Variants in ABCC11 observed in about 807,000 individuals in gnomAD.
ABCC11 encodes ATP binding cassette subfamily C member 11, also known as ATP-binding cassette sub-family C member 11.
ABCC11 carries 135 observed loss-of-function variants against 149.3 expected under a neutral mutation model. The ratio of observed to expected loss-of-function variants is 0.90; its 90% CI spans 0.79 to 1.04. The LOEUF is 1.04. Ranked by LOEUF, ABCC11 falls within the 50% of genes least tolerant of loss-of-function variation. ABCC11 has a pLI of 0.00. For missense variants in ABCC11, 1,680 were observed against 1,722.1 expected, an observed-to-expected ratio of 0.98 and a Z score of 0.43; for synonymous variants, 665 against 671.4, an observed-to-expected ratio of 0.99 and a Z score of 0.15.
chr16:48,239,419 A>T (rs551484880), intron 1 of ABCC11, among the ~76,000 whole-genome samples: 2 of 151,998 alleles, frequency 1.3e-5, no homozygotes, highest in South Asian at 2.1e-4. Flanking sequence ...AAAATTAGCC[A>T]GGTGTGGTGG....
intron 1 of ABCC11, among the ~76,000 whole-genome samples, chr16:48,232,824 A>ACATTTT (rs373859069): frequency 6.6e-6 from 1 of 152,212 alleles, no homozygotes; most frequent in Non-Finnish European, 1.5e-5. Context: ...AAGAAGACCC[A>ACATTTT]CATTTTCATT....
intron 28 of ABCC11, among the ~76,000 whole-genome samples, chr16:48,168,094 C>T (rs1596643745): frequency 6.6e-6 from 1 of 152,106 alleles, no homozygotes; most frequent in Non-Finnish European, 1.5e-5. Flanking sequence ...ATTTCATTAA[C>T]GATATGCATG....
chr16:48,214,814 TA>T, intron 9 of ABCC11, 66 bp downstream of exon 9: 1 of 1,596,818 alleles, frequency 6.3e-7, no homozygotes, highest in Non-Finnish European at 8.6e-7. Context: ...GGGGCATGGC[TA>T]AAAAAGGACA....
At chr16:48,224,229 G>A (rs1047075368) in intron 5 of ABCC11, 53 bp downstream of exon 5, 10 of 1,579,106 alleles carry the variant, frequency 6.3e-6, no homozygotes, top group South Asian at 4.6e-5. Flanking sequence ...CAGTTCCATC[G>A]CTAAACCTCT....
At chr16:48,202,664 GTTA>G (rs980578617) in intron 14 of ABCC11, among the ~76,000 whole-genome samples, 2 of 151,918 alleles carry the variant, frequency 1.3e-5, no homozygotes, top group Non-Finnish European at 2.9e-5. Flanking sequence ...CCCTCCTGAG[GTTA>G]TTGAGATTAT....
At chr16:48,226,860 T>G (rs1970105867) in intron 4 of ABCC11, among the ~76,000 whole-genome samples, 1 of 152,206 alleles carries the variant, frequency 6.6e-6, no homozygotes, top group Non-Finnish European at 1.5e-5. Flanking sequence ...GACTACTGAA[T>G]GCTCTTTATG....
rs767597691 is a variant in ABCC11 at position 48,178,659 on chromosome 16, G to A, written c.3286C>T (p.Arg1096Trp). 36 of 1,614,002 alleles carry A rather than the reference G, an allele frequency of 2.2e-5. No individual in the cohort carries two copies. The highest frequency in any genetic ancestry group is 2.6e-5 in the Non-Finnish European group (31 of 1,180,018). Residue 1096 changes from arginine to tryptophan, a missense_variant, in exon 24 of 30, where the codon CGG becomes TGG. Coordinates refer to ENST00000356608, the MANE Select transcript of ABCC11 (RefSeq NM_001370497.1). Reference protein sequence around the residue: ...QLASSFQATARIGLETEAQFT... With the variant: ...QLASSFQATAWIGLETEAQFT... ...TGTGCCTCTGTCTCCAAGCCAATCC[G>A]GGCAGTGGCCTGGAAGCTGGACGCC... is the stretch of plus-strand genomic sequence containing the variant.
intron 26 of ABCC11, among the ~76,000 whole-genome samples, chr16:48,174,872 T>G (rs1207488391): frequency 6.6e-6 from 1 of 152,174 alleles, no homozygotes; most frequent in East Asian, 1.9e-4. Context: ...GTTGCCCAGG[T>G]TGGAGCACAG....
intron 9 of ABCC11, among the ~76,000 whole-genome samples, chr16:48,214,574 T>C (rs1039602601): frequency 6.6e-6 from 1 of 152,136 alleles, no homozygotes; most frequent in Non-Finnish European, 1.5e-5. Context: ...GGCCCTTATT[T>C]AGGGATTAGA....
At chr16:48,171,157 G>A (rs986304838) in intron 26 of ABCC11, among the ~76,000 whole-genome samples, 190 bp from the exon 27 acceptor site, 2 of 152,190 alleles carry the variant, frequency 1.3e-5, no homozygotes, top group African/African-American at 4.8e-5. Flanking sequence ...GCAGGCCCAG[G>A]TTTTGTTTAG....
chr16:48,227,307 C>G (rs975387325), intron 4 of ABCC11, among the ~76,000 whole-genome samples: 1 of 151,922 alleles, frequency 6.6e-6, no homozygotes, highest in African/African-American at 2.4e-5. Context: ...AACCCCATCT[C>G]TACTAAAAAT....
At chr16:48,226,870 G>T (rs1207514459) in intron 4 of ABCC11, among the ~76,000 whole-genome samples, 1 of 152,010 alleles carries the variant, frequency 6.6e-6, no homozygotes, top group African/African-American at 2.4e-5. Flanking sequence ...TGCTCTTTAT[G>T]GGGAGGCTCT....
intron 20 of ABCC11, 147 bp downstream of exon 20, chr16:48,192,373 G>C: frequency 1.2e-6 from 1 of 851,710 alleles, no homozygotes; most frequent in South Asian, 1.9e-5. Context: ...CAGCCTGGAA[G>C]GTGGAGGTTG....
Position 48,184,434 on chromosome 16 carries a change from C to A in ABCC11, c.3258+6G>T. 1 of 1,613,080 alleles carries A rather than the reference C, an allele frequency of 6.2e-7. No individual in the cohort carries two copies. The highest frequency in any genetic ancestry group is 8.5e-7 in the Non-Finnish European group (1 of 1,179,432). ...AGAGAGGGCCCACACAGAGTCACCC[C>A]CTCACCTGCAGCACGATGTTGACAG... is the stretch of plus-strand genomic sequence containing the variant. On this transcript the variant is annotated splice_donor_region_variant and intron_variant, in intron 23 of 29. Coordinates refer to ENST00000356608, the MANE Select transcript of ABCC11 (RefSeq NM_001370497.1).
chr16:48,211,236 C>T (rs1968901792), intron 10 of ABCC11, 37 bp from the exon 11 acceptor site: 2 of 1,602,446 alleles, frequency 1.2e-6, no homozygotes, highest in Non-Finnish European at 1.7e-6. Flanking sequence ...AGGAGGAATA[C>T]AGTTCTTTAG....
At chr16:48,213,316 T>C in intron 10 of ABCC11, 127 bp downstream of exon 10, 2 of 735,126 alleles carry the variant, frequency 2.7e-6, no homozygotes, top group Non-Finnish European at 4.4e-6. Flanking sequence ...AGGAGGTCAC[T>C]GAGTTAGCTA....
chr16:48,172,386 A>G (rs984075543), intron 26 of ABCC11, among the ~76,000 whole-genome samples: 1 of 152,046 alleles, frequency 6.6e-6, no homozygotes. Context: ...ATATATAACT[A>G]GAAGTGAAAT....
intron 7 of ABCC11, 138 bp from the exon 8 acceptor site, chr16:48,215,482 C>A: frequency 9.8e-7 from 1 of 1,021,100 alleles, no homozygotes; most frequent in South Asian, 1.7e-5. Flanking sequence ...CTCTCCAGGC[C>A]ACTATGCCTT....
chr16:48,228,581 CGCACGACTCCGTCTCAA>C (rs1326588604), intron 3 of ABCC11, among the ~76,000 whole-genome samples: 2 of 150,898 alleles, frequency 1.3e-5, no homozygotes, highest in Non-Finnish European at 2.9e-5. Flanking sequence ...TGGGAGACAG[CGCACGACTCCGTCTCAA>C]AAGAAAAAAA....
Sources: gnomAD v4.1 joint callset for allele counts (sites outside exome capture counted in the v4.1 genomes callset) on GRCh38, gnomAD v4.1.1 for gene constraint, MANE v1.5 for transcripts, NCBI Gene and HGNC (gene_info 2026-07-23, HGNC 2026-07-21) for gene names.